Variants in KAZN observed in about 807,000 individuals in gnomAD.
KAZN encodes the protein kazrin, periplakin interacting protein.
KAZN carries 40 observed loss-of-function variants against 87.4 expected under a neutral mutation model. The ratio of observed to expected loss-of-function variants is 0.46; its 90% CI spans 0.36 to 0.60. The LOEUF is 0.60. KAZN is among the 20% of genes least tolerant of loss of function. The probability of loss-of-function intolerance (pLI) is 0.00; values close to 1 mark genes in which losing one functional copy is unlikely to be tolerated. For missense variants in KAZN, 898 were observed against 1,073.9 expected (o/e 0.84, Z 2.29); for synonymous variants, 466 against 458.3 (o/e 1.02, Z -0.22).
At chr1:14,067,339 T>G (rs1291356985) in intron 1 of KAZN, among the ~76,000 whole-genome samples, 1 of 152,156 alleles carries the variant, frequency 6.6e-6, no homozygotes, top group African/African-American at 2.4e-5. Flanking sequence ...ACTTTCCCCC[T>G]CCTTTGGGAA....
At chr1:14,493,045 A>C in intron 2 of KAZN, among the ~76,000 whole-genome samples, 2 of 150,128 alleles carry the variant, frequency 1.3e-5, no homozygotes, top group Admixed American at 6.6e-5. Flanking sequence ...CTTGTCCCCC[A>C]CCTCTCTCAG....
At chr1:15,028,308 G>A (rs1671369900) in intron 2 of KAZN, among the ~76,000 whole-genome samples, 1 of 152,240 alleles carries the variant, frequency 6.6e-6, no homozygotes, top group African/African-American at 2.4e-5. Flanking sequence ...AGTGGTTCCA[G>A]TGGCTTGGCT....
At chr1:14,685,257 G>T in intron 1 of KAZN, among the ~76,000 whole-genome samples, 1 of 152,122 alleles carries the variant, frequency 6.6e-6, no homozygotes, top group South Asian at 2.1e-4. Flanking sequence ...AGCTGGTATA[G>T]AGCATGCTTC....
chr1:15,114,617 G>A lies in KAZN; in HGVS notation c.2310G>A (p.Leu770=). The change falls in exon 15 of 15, where the codon CTG becomes CTA. Residue 770 remains leucine, a synonymous_variant. Transcript: ENST00000376030. ...GCCGTCTGGAAGGCTACAACAGCCT[G>A]GAGGTCACCAACGTGTAAGGAACTG... The part of the protein sequence containing the change: ...EQCRLEGYNS[L]EVTNV 1 of 1,590,264 alleles carries A rather than the reference G, an allele frequency of 6.3e-7. No homozygotes were observed. The highest frequency in any genetic ancestry group is 1.3e-5 in the African/African-American group (1 of 74,522).
In KAZN at chr1:15,091,362, TG is replaced by T. The variant is rs899320058; in HGVS notation, c.1223-2817del. Among the ~76,000 whole-genome samples the T allele has an allele frequency of 3.3e-5, 5 of 152,342 alleles. 1 individual carries two copies. Among genetic ancestry groups the T allele is most frequent in the African/African-American group, 1.2e-4 (5 of 41,570 alleles). On this transcript the variant is annotated intron_variant, in intron 8 of 14. Coordinates refer to ENST00000376030, the MANE Select transcript of KAZN (RefSeq NM_201628.3). ...TTTGTTGTTTTTTGTTTTTTGTTTT[TG>T]CAATGGAGTCTTGTTCTGTCGCCCA...
At chr1:14,619,084 A>G (rs909116489) in intron 1 of KAZN, among the ~76,000 whole-genome samples, 18 of 152,158 alleles carry the variant, frequency 1.2e-4, no homozygotes, top group Non-Finnish European at 4.4e-5. Flanking sequence ...CATTGAGATG[A>G]GAGTAAATGA....
intron 2 of KAZN, among the ~76,000 whole-genome samples, chr1:14,269,623 G>A (rs1651767057): frequency 6.6e-6 from 1 of 152,298 alleles, no homozygotes; most frequent in South Asian, 2.1e-4. Context: ...AAGCTGCAAA[G>A]TAAGGGAAAA....
chr1:14,472,392 AATC>A (rs1427099745), intron 2 of KAZN, among the ~76,000 whole-genome samples: 2 of 152,168 alleles, frequency 1.3e-5, no homozygotes, highest in Non-Finnish European at 2.9e-5. Flanking sequence ...TATTCACGGT[AATC>A]ATTCTGGGGC....
intron 2 of KAZN, among the ~76,000 whole-genome samples, chr1:15,019,850 C>T (rs575009637): frequency 5.3e-5 from 8 of 152,276 alleles, no homozygotes; most frequent in African/African-American, 1.9e-4. Context: ...TTGTTATCAT[C>T]GGTTATCATT....
At chr1:14,909,802 T>C (rs1657038450) in intron 1 of KAZN, among the ~76,000 whole-genome samples, 1 of 152,136 alleles carries the variant, frequency 6.6e-6, no homozygotes, top group African/African-American at 2.4e-5. Flanking sequence ...ACCATCACTT[T>C]GGGAAGCTGA....
At chr1:13,909,753 CCTT>C (rs1471865820) in intron 1 of KAZN, among the ~76,000 whole-genome samples, 11 of 152,162 alleles carry the variant, frequency 7.2e-5, no homozygotes, top group African/African-American at 2.7e-4. Flanking sequence ...GCAGAGTCCT[CCTT>C]CTGCTAGCCT....
intron 1 of KAZN, among the ~76,000 whole-genome samples, chr1:14,874,394 T>C (rs892328671): frequency 3.9e-5 from 6 of 152,184 alleles, no homozygotes; most frequent in Non-Finnish European, 7.3e-5. Flanking sequence ...AGGTGACCAC[T>C]GGATTTAATA....
At chr1:15,101,454 C>T (rs1641065480) in intron 10 of KAZN, 89 bp from the exon 11 acceptor site, 5 of 843,586 alleles carry the variant, frequency 5.9e-6, no homozygotes, top group Non-Finnish European at 9.6e-6. Context: ...TGCTTTTCCT[C>T]TCTCTGCATC....
chr1:14,625,518 G>C (rs571582685), intron 1 of KAZN, among the ~76,000 whole-genome samples: 4 of 152,122 alleles, frequency 2.6e-5, no homozygotes, highest in African/African-American at 9.7e-5. Context: ...GCCCCAAAGA[G>C]GCTTGACTTA....
intron 1 of KAZN, among the ~76,000 whole-genome samples, chr1:13,986,622 C>T (rs904871311): frequency 6.6e-6 from 1 of 152,112 alleles, no homozygotes; most frequent in African/African-American, 2.4e-5. Flanking sequence ...AGTAAGAGTT[C>T]TTGGTTGCAA....
intron 2 of KAZN, among the ~76,000 whole-genome samples, chr1:14,429,982 C>T (rs981796848): frequency 2.0e-5 from 3 of 152,092 alleles, no homozygotes; most frequent in Non-Finnish European, 4.4e-5. Context: ...ATCCCTCTCC[C>T]GATCACTCAC....
intron 1 of KAZN, among the ~76,000 whole-genome samples, chr1:14,613,314 C>T (rs1047849540): frequency 2.6e-5 from 4 of 152,160 alleles, no homozygotes; most frequent in Admixed American, 2.0e-4. Context: ...GATAGTATGC[C>T]GCAAACTCCC....
chr1:14,727,447 T>G (rs978363447), intron 1 of KAZN, among the ~76,000 whole-genome samples: 6 of 89,558 alleles, frequency 6.7e-5, no homozygotes, highest in South Asian at 4.7e-4. Context: ...TATTGTGCAC[T>G]TTCTTTTTTT....
chr1:14,612,569 C>T (rs1677904881), intron 1 of KAZN, among the ~76,000 whole-genome samples: 2 of 152,178 alleles, frequency 1.3e-5, no homozygotes, highest in African/African-American at 4.8e-5. Context: ...CTCTCAGCTT[C>T]CTCATCTGGA....
Sources: gnomAD v4.1 joint callset for allele counts (sites outside exome capture counted in the v4.1 genomes callset) on GRCh38, gnomAD v4.1.1 for gene constraint, MANE v1.5 for transcripts, NCBI Gene and HGNC (gene_info 2026-07-23, HGNC 2026-07-21) for gene names.